NUP210: variants seen among roughly 807,000 people sequenced by gnomAD.
NUP210 encodes the protein nucleoporin 210.
NUP210 carries 151 observed loss-of-function variants against 196.0 expected under a neutral mutation model. The observed-to-expected ratio is 0.77, with a 90% CI of 0.67 to 0.88. The LOEUF (loss-of-function observed/expected upper bound fraction) is 0.88, where lower values mean the gene tolerates loss of function less well. Ranked by LOEUF, NUP210 falls within the 40% of genes least tolerant of loss-of-function variation. The pLI, the probability that NUP210 is intolerant of heterozygous loss-of-function variation, is 0.00. For synonymous variants in NUP210, 1,070 were observed against 1,052.7 expected (o/e 1.02, Z -0.32); for missense variants, 2,314 against 2,493.7 (o/e 0.93, Z 1.53).
At chr3:13,390,764 T>C (rs1699462538) in intron 4 of NUP210, among the ~76,000 whole-genome samples, 2 of 152,194 alleles carry the variant, frequency 1.3e-5, no homozygotes, top group Admixed American at 6.5e-5. Flanking sequence ...ATGCTTAAGG[T>C]GTCCGCCTCA....
intron 4 of NUP210, among the ~76,000 whole-genome samples, chr3:13,390,572 G>A (rs1347233717): frequency 6.6e-6 from 1 of 152,220 alleles, no homozygotes; most frequent in Non-Finnish European, 1.5e-5. Flanking sequence ...AAATAGCTCT[G>A]GGGCCCGTGG....
Position 13,371,871 on chromosome 3 carries a change from G to A in NUP210, c.1749C>T (p.Val583=), listed in dbSNP as rs41293405. ...LSDCSHFDLA[V]EVENQGVFQP... ...GGAACACACCCTGGTTCTCCACCTC[G>A]ACAGCCAAGTCAAAGTGGGAGCAGT... Residue 583 remains valine (V), a synonymous_variant, in exon 13 of 40, where the codon GTC becomes GTT. Coordinates refer to ENST00000254508, the MANE Select transcript of NUP210 (RefSeq NM_024923.4). 0.016 allele frequency: 25,633 copies of A among 1,609,902 alleles called. 270 individuals carry two copies. The highest frequency in any genetic ancestry group is 0.019 in the Non-Finnish European group (22,697 of 1,178,646).
intron 31 of NUP210, 62 bp from the exon 32 acceptor site, chr3:13,327,499 G>C: frequency 1.6e-6 from 2 of 1,232,574 alleles, no homozygotes; most frequent in Non-Finnish European, 2.3e-6. Context: ...ACTCCCAAAG[G>C]GAGAAACGTA....
intron 13 of NUP210, among the ~76,000 whole-genome samples, chr3:13,371,446 G>A (rs1170571570): frequency 1.3e-5 from 2 of 152,162 alleles, no homozygotes; most frequent in Admixed American, 6.5e-5. Context: ...CAGCAGATGC[G>A]GCAGAGAACA....
At chr3:13,344,737 C>T in intron 20 of NUP210, 1 of 160,122 alleles carries the variant, frequency 6.2e-6, no homozygotes, top group Non-Finnish European at 1.3e-5. Flanking sequence ...CATCACCCTC[C>T]CCCACTACAC....
intron 35 of NUP210, 97 bp from the exon 36 acceptor site, chr3:13,321,932 T>A (rs537667699): frequency 1.3e-6 from 2 of 1,503,826 alleles, no homozygotes; most frequent in African/African-American, 2.7e-5. Context: ...TTCCTATGCA[T>A]CCTCCAAAGC....
chr3:13,389,158 G>A (rs1011773039), intron 4 of NUP210, among the ~76,000 whole-genome samples: 1 of 152,168 alleles, frequency 6.6e-6, no homozygotes, highest in East Asian at 1.9e-4. Flanking sequence ...TTATTTCCTC[G>A]CCTGGTTACT....
intron 3 of NUP210, among the ~76,000 whole-genome samples, chr3:13,393,995 C>A (rs1358182759): frequency 6.6e-6 from 1 of 152,232 alleles, no homozygotes; most frequent in African/African-American, 2.4e-5. Flanking sequence ...GAAGAATGAA[C>A]TGATTTCAGT....
intron 31 of NUP210, among the ~76,000 whole-genome samples, chr3:13,328,122 C>A (rs1696851198): frequency 6.6e-6 from 1 of 152,238 alleles, no homozygotes; most frequent in African/African-American, 2.4e-5. Context: ...ACCTGCAGTG[C>A]AGCCAAAGGG....
At chr3:13,387,246 T>C (rs1699306527) in intron 5 of NUP210, among the ~76,000 whole-genome samples, 1 of 152,308 alleles carries the variant, frequency 6.6e-6, no homozygotes, top group African/African-American at 2.4e-5. Context: ...ACTTAACAAC[T>C]AGTTAATATC....
intron 1 of NUP210, among the ~76,000 whole-genome samples, chr3:13,408,121 T>C (rs960135068): frequency 1.3e-5 from 2 of 152,196 alleles, no homozygotes; most frequent in Non-Finnish European, 1.5e-5. Flanking sequence ...TGTTCATCCA[T>C]GGAGACAAAT....
rs148782326 is a variant in NUP210 at position 13,332,346 on chromosome 3, T to A, written c.3882A>T (p.Glu1294Asp). 5.1e-5 allele frequency: 83 copies of A among 1,613,814 alleles called. No individual in the cohort carries two copies. The African/African-American group carries it at 1.0e-3, about 20-fold the overall frequency. ...EKLQLLNPEI[E>D]AEQILMSPNS... is the part of the protein sequence containing the mutation. Reference sequence around the variant, plus strand: ...TGGGCGACATTAATATTTGTTCTGCTTCTATTTCAGGGTTGAGCAGCTGCA... The same window carrying A: ...TGGGCGACATTAATATTTGTTCTGCATCTATTTCAGGGTTGAGCAGCTGCA... The change falls in exon 29 of 40, where the codon GAA becomes GAT. Residue 1294 changes from glutamate (E) to aspartate (D), a missense_variant. Glu to Asp is a conservative substitution (Grantham distance 45). Coordinates refer to ENST00000254508, the MANE Select transcript of NUP210 (RefSeq NM_024923.4).
chr3:13,360,586 G>A, intron 14 of NUP210, 95 bp from the exon 15 acceptor site: 1 of 931,762 alleles, frequency 1.1e-6, no homozygotes, highest in Non-Finnish European at 1.6e-6. Context: ...CCGCTTGTGG[G>A]GGCTGGTGGT....
In NUP210 at chr3:13,348,251, A is replaced by G. The variant is rs1254556785; in HGVS notation, c.2835+3628T>C. 5.5e-6 allele frequency: 2 copies of G among 362,144 alleles called. No homozygotes were observed. Among genetic ancestry groups the G allele is most frequent in the Admixed American group, 6.5e-5 (1 of 15,502 alleles). 22.4% of individuals were successfully genotyped at this position (362,144 alleles called of 1,614,324 possible). Reference sequence around the variant, plus strand: ...AATCCCACCTTGAGTCTTTCAGACAAGTGTCCCAGCTTCTGCTCAAATGCC... The same window carrying G: ...AATCCCACCTTGAGTCTTTCAGACAGGTGTCCCAGCTTCTGCTCAAATGCC... On this transcript the variant is annotated intron_variant, in intron 20 of 39. Coordinates refer to ENST00000254508, the MANE Select transcript of NUP210 (RefSeq NM_024923.4). The surrounding 1 kb of genome is among the most constrained non-coding windows in gnomAD (Gnocchi z 4.0).
At chr3:13,373,903 C>A (rs1233458954) in intron 11 of NUP210, 30 bp from the exon 12 acceptor site, 1 of 1,608,722 alleles carries the variant, frequency 6.2e-7, no homozygotes, top group South Asian at 1.1e-5. Context: ...ACAGGACCAG[C>A]CACCCACCCT....
At position 13,376,412 on chromosome 3, in the gene NUP210, A is replaced by G; in HGVS notation, c.1172T>C (p.Val391Ala). The change falls in exon 10 of 40, where the codon GTG becomes GCG. Residue 391 changes from valine to alanine, a missense_variant. Coordinates refer to ENST00000254508, the MANE Select transcript of NUP210 (RefSeq NM_024923.4). ...CACCTCGAAGAACTCAGCAGGAAGCACAGTTTCAATTCGGATGTTCTGGAA... is the reference window on the plus strand; with the variant it reads ...CACCTCGAAGAACTCAGCAGGAAGCGCAGTTTCAATTCGGATGTTCTGGAA... Reference protein sequence around the residue: ...YVSDNIRIETVLPAEFFEVLS... With the variant: ...YVSDNIRIETALPAEFFEVLS... 1 of 1,614,230 alleles carries G rather than the reference A, an allele frequency of 6.2e-7. No individual in the cohort carries two copies. The highest frequency in any genetic ancestry group is 8.5e-7 in the Non-Finnish European group (1 of 1,180,030).
At position 13,420,129 on chromosome 3, in the gene NUP210, A is replaced by C; in HGVS notation, c.98T>G (p.Val33Gly). ...AAAAKLNIPKVLLPFTRATRV... is the reference protein window; with the variant it reads ...AAAAKLNIPKGLLPFTRATRV... Reference sequence around the variant, plus strand: ...CGTGGCCCGCGTGAAGGGCAGCAGCACTTTGGGGATGTTGAGCTTGGCCGC... The same window carrying C: ...CGTGGCCCGCGTGAAGGGCAGCAGCCCTTTGGGGATGTTGAGCTTGGCCGC... The change falls in exon 1 of 40, where the codon GTG (valine) becomes GGG (glycine). Residue 33 changes from valine to glycine, a missense_variant. Val to Gly is a moderately radical substitution (Grantham distance 109). Transcript: ENST00000254508. The surrounding 1 kb of genome is among the most constrained non-coding windows in gnomAD (Gnocchi z 4.8). The C allele has an allele frequency of 1.5e-6, 2 of 1,355,148 alleles. 1 individual carries two copies. The highest frequency in any genetic ancestry group is 4.1e-4 in the Middle Eastern group (2 of 4,920). The allele number at this position is 1,355,148 out of a possible 1,614,324, so 83.9% of individuals were successfully genotyped here.
chr3:13,412,231 C>CTTTTTTCTTTTTT (rs1322765563), intron 1 of NUP210, among the ~76,000 whole-genome samples: 1 of 104,790 alleles, frequency 9.5e-6, no homozygotes, highest in Non-Finnish European at 1.8e-5. Flanking sequence ...TTTTCCTTTT[C>CTTTTTTCTTTTTT]TTTTTTTTTT....
At chr3:13,333,021 AC>A (rs1697061321) in intron 28 of NUP210, among the ~76,000 whole-genome samples, 1 of 151,402 alleles carries the variant, frequency 6.6e-6, no homozygotes, top group Non-Finnish European at 1.5e-5. Context: ...TCTCAGAACA[AC>A]CCCCGTTCCA....
Sources: gnomAD v4.1 joint callset for allele counts (sites outside exome capture counted in the v4.1 genomes callset) on GRCh38, gnomAD v4.1.1 for gene constraint, Gnocchi (gnomAD v3.1) non-coding constraint, MANE v1.5 for transcripts, NCBI Gene and HGNC (gene_info 2026-07-23, HGNC 2026-07-21) for gene names.